Variants in ELMO1 observed in about 807,000 individuals in gnomAD.
ELMO1 encodes the protein engulfment and cell motility protein 1.
ELMO1 carries 26 observed loss-of-function variants against 98.9 expected under a neutral mutation model. The observed-to-expected ratio is 0.26, with a 90% CI of 0.19 to 0.36. The LOEUF (loss-of-function observed/expected upper bound fraction) is 0.36. ELMO1 is among the 10% of genes least tolerant of loss of function. ELMO1 has a pLI of 1.00. For missense variants in ELMO1, 627 were observed against 935.2 expected (o/e 0.67, Z 4.30); for synonymous variants, 346 against 346.0 (o/e 1.00, Z 0.00).
At chr7:37,433,138 C>T (rs1397099296) in intron 1 of ELMO1, among the ~76,000 whole-genome samples, 2 of 152,188 alleles carry the variant, frequency 1.3e-5, no homozygotes, top group African/African-American at 4.8e-5. Flanking sequence ...GCGAGAGTTA[C>T]ATGCCAGGCA....
intron 16 of ELMO1, among the ~76,000 whole-genome samples, chr7:36,934,858 A>G (rs1786374873): frequency 6.6e-6 from 1 of 152,224 alleles, no homozygotes; most frequent in South Asian, 2.1e-4. Flanking sequence ...GTTGTCCCCA[A>G]GGTCTAAGCC....
At chr7:37,362,265 T>C (rs371280705) in intron 1 of ELMO1, among the ~76,000 whole-genome samples, 18 of 152,082 alleles carry the variant, frequency 1.2e-4, no homozygotes, top group African/African-American at 4.1e-4. Flanking sequence ...TGCCAGGTAT[T>C]ACCAGGTACT....
chr7:37,296,930 A>C (rs1257178193), intron 4 of ELMO1, among the ~76,000 whole-genome samples: 1 of 152,178 alleles, frequency 6.6e-6, no homozygotes, highest in African/African-American at 2.4e-5. Context: ...ATACGCCTGA[A>C]CTATCCCTGA....
intron 13 of ELMO1, among the ~76,000 whole-genome samples, chr7:37,139,171 G>A (rs926730671): frequency 2.0e-5 from 3 of 152,134 alleles, no homozygotes; most frequent in Non-Finnish European, 4.4e-5. Context: ...GAACAGACAA[G>A]GATGCCCACT....
chr7:37,061,918 A>G (rs1300369290), intron 15 of ELMO1, among the ~76,000 whole-genome samples: 1 of 152,156 alleles, frequency 6.6e-6, no homozygotes, highest in Non-Finnish European at 1.5e-5. Flanking sequence ...TTCATTTAAC[A>G]AAAATGGAGG....
chr7:37,292,497 A>C (rs1412287733), intron 4 of ELMO1, among the ~76,000 whole-genome samples: 1 of 52,564 alleles, frequency 1.9e-5, no homozygotes, highest in Non-Finnish European at 5.6e-5. Context: ...CCATCTAGGA[A>C]GTGAGGAGCG....
chr7:37,198,900 G>A (rs1792122296), intron 13 of ELMO1, among the ~76,000 whole-genome samples: 1 of 152,208 alleles, frequency 6.6e-6, no homozygotes, highest in Admixed American at 6.5e-5. Context: ...GGCTGGAAAA[G>A]CATTTTTCTG....
intron 15 of ELMO1, among the ~76,000 whole-genome samples, chr7:37,055,374 T>G (rs1273698054): frequency 2.0e-5 from 3 of 152,208 alleles, no homozygotes; most frequent in Non-Finnish European, 4.4e-5. Flanking sequence ...CTTCATCTTT[T>G]GGCAATTAAG....
chr7:37,003,465 C>A (rs771985010), intron 16 of ELMO1, among the ~76,000 whole-genome samples: 1 of 152,204 alleles, frequency 6.6e-6, no homozygotes, highest in Non-Finnish European at 1.5e-5. Flanking sequence ...GTCCTTGCTT[C>A]GGACCTGTCT....
intron 15 of ELMO1, among the ~76,000 whole-genome samples, chr7:37,021,201 C>A (rs922226438): frequency 2.6e-5 from 4 of 151,938 alleles, no homozygotes; most frequent in Non-Finnish European, 5.9e-5. Flanking sequence ...ACTTGAAGTT[C>A]CTTCACTGCC....
At chr7:37,157,969 G>A (rs199928113) in intron 13 of ELMO1, among the ~76,000 whole-genome samples, 36 of 147,718 alleles carry the variant, frequency 2.4e-4, no homozygotes, top group South Asian at 8.6e-4. Flanking sequence ...ATAGACCAAT[G>A]GAACAGAACA....
At chr7:37,269,010 T>C (rs1378218885) in intron 5 of ELMO1, among the ~76,000 whole-genome samples, 1 of 152,262 alleles carries the variant, frequency 6.6e-6, no homozygotes, top group East Asian at 1.9e-4. Context: ...AGAGTTCAGC[T>C]GAGGCAGACG....
chr7:37,286,011 C>T (rs1417218330), intron 4 of ELMO1, among the ~76,000 whole-genome samples: 1 of 150,518 alleles, frequency 6.6e-6, no homozygotes, highest in Admixed American at 6.6e-5. Flanking sequence ...AAAAGAGCTG[C>T]ACTTATAGGA....
At chr7:36,986,108 C>G (rs951112860) in intron 16 of ELMO1, 1 of 989,966 alleles carries the variant, frequency 1.0e-6, no homozygotes, top group African/African-American at 1.7e-5. Context: ...CGCCGCACAC[C>G]TTTAAATGGT....
chr7:37,031,587 T>A (rs1462714423), intron 15 of ELMO1, among the ~76,000 whole-genome samples: 1 of 152,132 alleles, frequency 6.6e-6, no homozygotes, highest in Non-Finnish European at 1.5e-5. Flanking sequence ...GGCTGAGCCT[T>A]CTAAGTGTCT....
chr7:36,980,721 T>C (rs1327369650), intron 16 of ELMO1, among the ~76,000 whole-genome samples: 1 of 152,244 alleles, frequency 6.6e-6, no homozygotes, highest in Non-Finnish European at 1.5e-5. Flanking sequence ...ACGTATGTGA[T>C]GTTCAGCTAT....
chr7:37,153,160 G>A (rs902684955), intron 13 of ELMO1, among the ~76,000 whole-genome samples: 1 of 152,092 alleles, frequency 6.6e-6, no homozygotes, highest in African/African-American at 2.4e-5. Flanking sequence ...ATAGACTTAC[G>A]GGTCACTTCC....
intron 18 of ELMO1, among the ~76,000 whole-genome samples, chr7:36,884,714 G>T (rs142635831): frequency 1.1e-3 from 162 of 152,318 alleles, no homozygotes; most frequent in Non-Finnish European, 9.9e-4. Context: ...GTATCAACTC[G>T]GGGACCTGCT....
chr7:37,023,970 T>C (rs2129181186), intron 15 of ELMO1, among the ~76,000 whole-genome samples: 1 of 152,326 alleles, frequency 6.6e-6, no homozygotes, highest in East Asian at 1.9e-4. Flanking sequence ...CTTGACTAGT[T>C]GTGTATGAAC....
Sources: allele counts gnomAD v4.1 joint callset (sites outside exome capture counted in the v4.1 genomes callset), GRCh38; gene constraint gnomAD v4.1.1; transcripts MANE v1.5; gene names NCBI Gene and HGNC (gene_info 2026-07-23, HGNC 2026-07-21).